The following NECTIN1 variants were observed in gnomAD, a reference collection of about 807,000 sequenced individuals.
NECTIN1 encodes the protein nectin-1.
Under a neutral mutation model 48.0 loss-of-function variants are expected in NECTIN1, and 23 were observed. That is an observed-to-expected ratio of 0.48 (90% CI 0.34 to 0.68). NECTIN1 has a LOEUF of 0.68. Ranked by LOEUF, NECTIN1 falls within the 30% of genes least tolerant of loss-of-function variation. NECTIN1 has a pLI of 0.01. For synonymous variants in NECTIN1, 270 were observed against 288.9 expected (o/e 0.93, Z 0.66); for missense variants, 591 against 709.9 (o/e 0.83, Z 1.90).
chr11:119,638,924 T>C, intron 6 of NECTIN1: 1 of 891,090 alleles, frequency 1.1e-6, no homozygotes, highest in Non-Finnish European at 1.8e-6. Context: ...CCGGGAGCTC[T>C]GCTTCCCAGG....
intron 5 of NECTIN1, among the ~76,000 whole-genome samples, chr11:119,650,748 ATGTCCCTG>A (rs1327928748): frequency 6.6e-6 from 1 of 152,184 alleles, no homozygotes; most frequent in African/African-American, 2.4e-5. Context: ...TCATGTCTTC[ATGTCCCTG>A]TGTTGGGAAT....
chr11:119,728,567 T>C lies in NECTIN1; in HGVS notation c.-14A>G. The C allele has an allele frequency of 6.4e-7, 1 of 1,560,942 alleles. No individual in the cohort carries two copies. The highest frequency in any genetic ancestry group is 1.8e-5 in the Admixed American group (1 of 55,436). ...CATCCGAGCCATCGGGGGCCGGGGG[T>C]CCGGCGAGAGGGGCGGCGAGGGCAG... is the stretch of plus-strand genomic sequence containing the variant. On this transcript the variant is annotated 5_prime_UTR_variant, in exon 1 of 6. Transcript: ENST00000264025.
intron 1 of NECTIN1, among the ~76,000 whole-genome samples, chr11:119,706,615 G>A (rs1190663700): frequency 2.6e-5 from 4 of 152,200 alleles, no homozygotes; most frequent in South Asian, 4.1e-4. Flanking sequence ...CAAATAAACG[G>A]CATGATATTG....
At chr11:119,694,918 A>G (rs1865316603) in intron 1 of NECTIN1, among the ~76,000 whole-genome samples, 1 of 151,480 alleles carries the variant, frequency 6.6e-6, no homozygotes, top group East Asian at 2.0e-4. Context: ...TTGCATCAAT[A>G]TAGCCCCTTG....
intron 1 of NECTIN1, among the ~76,000 whole-genome samples, chr11:119,699,941 T>C (rs1865415485): frequency 6.6e-6 from 1 of 152,232 alleles, no homozygotes; most frequent in African/African-American, 2.4e-5. Context: ...TCTGGGTCTC[T>C]GTTCCCCCTC....
rs1292565927 is a variant in NECTIN1, at chr11:119,727,977, A to T, written c.79+498T>A. Reference sequence around the variant, plus strand: ...CCGCTGTGGGGCGGTGTGGGGCGGGAGGGGGCCCGAGCGTCCTGAGCCGTC... The same window carrying T: ...CCGCTGTGGGGCGGTGTGGGGCGGGTGGGGGCCCGAGCGTCCTGAGCCGTC... On this transcript the variant is annotated intron_variant, in intron 1 of 5. Coordinates refer to ENST00000264025, the MANE Select transcript of NECTIN1 (RefSeq NM_002855.5). This position sits in a 1 kb window ranked among gnomAD's most constrained non-coding sequence, Gnocchi z 4.1. 6.6e-6 allele frequency among the ~76,000 whole-genome samples: 1 copy of T among 151,854 alleles called. No individual in the cohort carries two copies.
At chr11:119,716,252 C>T (rs760710834) in intron 1 of NECTIN1, among the ~76,000 whole-genome samples, 5 of 152,132 alleles carry the variant, frequency 3.3e-5, no homozygotes, top group Admixed American at 2.0e-4. Flanking sequence ...CTCCCCACAG[C>T]GTTCTGGGGC....
chr11:119,657,084 T>G (rs1333969836), downstream of NECTIN1, among the ~76,000 whole-genome samples: 1 of 152,164 alleles, frequency 6.6e-6, no homozygotes, highest in Non-Finnish European at 1.5e-5. Context: ...TCATCCGGGA[T>G]CCCAAGTCTC....
intron 5 of NECTIN1, among the ~76,000 whole-genome samples, chr11:119,654,899 T>C (rs536483322): frequency 4.6e-5 from 7 of 151,690 alleles, no homozygotes; most frequent in East Asian, 2.0e-4. Context: ...TAGACTTACA[T>C]TTATTTTTTA....
At chr11:119,644,980 C>T (rs1864376632) in intron 5 of NECTIN1, among the ~76,000 whole-genome samples, 1 of 152,162 alleles carries the variant, frequency 6.6e-6, no homozygotes. Flanking sequence ...TTCTCATGAG[C>T]TGGATTGATA....
chr11:119,657,097 A>G (rs1864587410), downstream of NECTIN1, among the ~76,000 whole-genome samples: 1 of 152,228 alleles, frequency 6.6e-6, no homozygotes, highest in Admixed American at 6.5e-5. Context: ...CAAGTCTCAC[A>G]GGTGACGATG....
At position 119,662,356 on chromosome 11, in the gene NECTIN1, C is replaced by T; in HGVS notation, c.*2391G>A. 1 of 985,826 alleles carries T rather than the reference C, an allele frequency of 1.0e-6. No homozygotes were observed. The highest frequency in any genetic ancestry group is 1.2e-6 in the Non-Finnish European group (1 of 829,938). The allele number at this position is 985,826 out of a possible 1,614,324, so 61.1% of individuals were successfully genotyped here. On this transcript the variant is annotated 3_prime_UTR_variant, in exon 6 of 6. Transcript: ENST00000264025. This position sits in a 1 kb window ranked among gnomAD's most constrained non-coding sequence, Gnocchi z 5.3. ...TCCTGCCTCATGCCCACCCTCAGCC[C>T]AGGCTGGCAGCTGCTCGGTGGGTAT...
rs540724557 is a variant in NECTIN1 at position 119,728,557 on chromosome 11, G to C, written c.-4C>G. The C allele has an allele frequency of 6.4e-7, 1 of 1,573,152 alleles. No individual in the cohort carries two copies. Among genetic ancestry groups the C allele is most frequent in the Admixed American group, 1.8e-5 (1 of 56,280 alleles). On this transcript the variant is annotated 5_prime_UTR_variant, in exon 1 of 6. Coordinates refer to ENST00000264025, the MANE Select transcript of NECTIN1 (RefSeq NM_002855.5). ...CCGCAAGCCCCATCCGAGCCATCGG[G>C]GGCCGGGGGTCCGGCGAGAGGGGCG...
intron 5 of NECTIN1, chr11:119,642,835 A>G (rs563460053): frequency 6.5e-6 from 1 of 153,860 alleles, no homozygotes; most frequent in East Asian, 1.9e-4. Flanking sequence ...TGGTTGTAAT[A>G]CTGCATTATT....
chr11:119,651,776 C>T (rs149577954), intron 5 of NECTIN1, among the ~76,000 whole-genome samples: 144 of 152,232 alleles, frequency 9.5e-4, no homozygotes, highest in African/African-American at 3.2e-3. Flanking sequence ...GAGTGGGGTG[C>T]GGTGATTCAT....
chr11:119,642,646 C>T (rs974506937), intron 5 of NECTIN1: 6 of 153,616 alleles, frequency 3.9e-5, no homozygotes, highest in Non-Finnish European at 8.8e-5. Context: ...AGCCATCCCT[C>T]GGCATCTCTG....
chr11:119,659,005 A>C (rs1864618922), downstream of NECTIN1: 1 of 152,210 alleles, frequency 6.6e-6, no homozygotes, highest in Admixed American at 6.5e-5. Context: ...GGCTGCCCGA[A>C]ATACTCTTAA....
Position 119,728,670 on chromosome 11 carries a change from GTCAGCTGCAGCCGTCGGCC to G in NECTIN1, c.-136_-118del. On this transcript the variant is annotated 5_prime_UTR_variant, in exon 1 of 6. Coordinates refer to ENST00000264025, the MANE Select transcript of NECTIN1 (RefSeq NM_002855.5). ...GTCGGCGGGCGCTCGAAGGATCCAG[GTCAGCTGCAGCCGTCGGCC>G]GGGGCGGGGTGGGCTGGGTGGGATC... 1.5e-5 allele frequency: 3 copies of G among 196,284 alleles called. No homozygotes were observed. The highest frequency in any genetic ancestry group is 6.5e-5 in the Admixed American group (1 of 15,486). 12.2% of individuals were successfully genotyped at this position (196,284 alleles called of 1,614,324 possible).
At chr11:119,704,506 T>C (rs1865513737) in intron 1 of NECTIN1, among the ~76,000 whole-genome samples, 1 of 152,146 alleles carries the variant, frequency 6.6e-6, no homozygotes, top group South Asian at 2.1e-4. Context: ...TATGAGCCAC[T>C]GCACGCAGTC....
Sources: allele counts gnomAD v4.1 joint callset (sites outside exome capture counted in the v4.1 genomes callset), GRCh38; gene constraint gnomAD v4.1.1; non-coding constraint Gnocchi (gnomAD v3.1); transcripts MANE v1.5; gene names NCBI Gene and HGNC (gene_info 2026-07-23, HGNC 2026-07-21).